Variants in PTPRB observed in about 807,000 individuals in gnomAD.
The protein encoded by PTPRB is protein tyrosine phosphatase receptor type B, also known as receptor-type tyrosine-protein phosphatase beta.
A neutral mutation model predicts 238.1 loss-of-function variants in PTPRB; 97 were observed. The observed-to-expected ratio is 0.41, with a 90% confidence interval of 0.35 to 0.48. The LOEUF (loss-of-function observed/expected upper bound fraction) is 0.48. Ranked by LOEUF, PTPRB falls within the 20% of genes least tolerant of loss-of-function variation. The pLI is 0.30. For synonymous variants in PTPRB, 970 were observed against 995.4 expected (o/e 0.97, Z 0.48); for missense variants, 2,292 against 2,681.9 (o/e 0.85, Z 3.21).
At chr12:70,588,535 A>G (rs750624189) in intron 8 of PTPRB, among the ~76,000 whole-genome samples, 9 of 152,344 alleles carry the variant, frequency 5.9e-5, no homozygotes, top group Non-Finnish European at 1.2e-4. Flanking sequence ...TGGGAGGCTG[A>G]GGCAGGAGAA....
chr12:70,539,753 G>C (rs1592421265), intron 25 of PTPRB, 47 bp from the exon 26 acceptor site: 1 of 1,592,732 alleles, frequency 6.3e-7, no homozygotes, highest in Non-Finnish European at 8.6e-7. Flanking sequence ...TGCAGAAAAG[G>C]GAAAGTGCCA....
At chr12:70,566,835 C>CT in intron 14 of PTPRB, 131 bp from the exon 15 acceptor site, 1 of 955,440 alleles carries the variant, frequency 1.0e-6, no homozygotes, top group Non-Finnish European at 1.6e-6. Context: ...GTCATTGACA[C>CT]TTTCTGTGTG....
rs753640130 is a variant in PTPRB, at chr12:70,622,380, C to A, written c.708+10G>T. 4 of 1,610,808 alleles carry A rather than the reference C, an allele frequency of 2.5e-6. No individual in the cohort carries two copies. The highest frequency in any genetic ancestry group is 2.5e-6 in the Non-Finnish European group (3 of 1,178,854). On this transcript the variant is annotated intron_variant, in intron 3 of 33. Transcript: ENST00000334414. Reference sequence around the variant, plus strand: ...GCACAGACCACACTCCACACACCCCCTCCTTTTACCTCTTCAGTGGTGCTG... The same window carrying A: ...GCACAGACCACACTCCACACACCCCATCCTTTTACCTCTTCAGTGGTGCTG...
intron 21 of PTPRB, 115 bp downstream of exon 21, chr12:70,552,660 ACT>A (rs1271826773): frequency 8.4e-6 from 11 of 1,312,498 alleles, no homozygotes; most frequent in Admixed American, 2.2e-5. Flanking sequence ...AATGCACAGT[ACT>A]CTTGTAACGT....
chr12:70,594,606 G>A lies in PTPRB; in HGVS notation c.1377C>T (p.Ile459=). Residue 459 remains isoleucine (I), a synonymous_variant, in exon 6 of 34, where the codon ATC becomes ATT. Coordinates refer to ENST00000334414, the MANE Select transcript of PTPRB (RefSeq NM_001109754.4). ...RYRLMLMDKG[I]LVHGGVVDKH... The stretch of plus-strand genomic sequence containing the variant: ...TGTCCACAACACCGCCATGAACTAG[G>A]ATCCCTTTATCCATTAGCATCAGCC... 6.2e-7 allele frequency: 1 copy of A among 1,613,948 alleles called. No individual in the cohort carries two copies. The highest frequency in any genetic ancestry group is 8.5e-7 in the Non-Finnish European group (1 of 1,179,886).
intron 4 of PTPRB, among the ~76,000 whole-genome samples, chr12:70,599,434 A>G (rs1196458787): frequency 6.6e-6 from 1 of 152,196 alleles, no homozygotes; most frequent in African/African-American, 2.4e-5. Flanking sequence ...TCACACTCAT[A>G]CGCATAGTAA....
Position 70,571,167 on chromosome 12 carries a change from T to C in PTPRB, c.3229A>G (p.Lys1077Glu). Residue 1077 changes from lysine (K) to glutamate (E), a missense_variant, in exon 13 of 34, where the codon AAA (lysine) becomes GAA (glutamate). This residue lies in a region of PTPRB where 1,205 missense variants were observed against 1,287.8 expected (regional missense o/e 0.94). Coordinates refer to ENST00000334414, the MANE Select transcript of PTPRB (RefSeq NM_001109754.4). ...ACAAGGTGAAAAGGAGGAAATACTT[T>C]CATGTCATTGAAGAGCAGCTGGATC... ...YEIQLLFNDM[K>E]VFPPFHLVNT... is the part of the protein sequence containing the mutation. 6.2e-7 allele frequency: 1 copy of C among 1,614,026 alleles called. No individual in the cohort carries two copies. The highest frequency in any genetic ancestry group is 8.5e-7 in the Non-Finnish European group (1 of 1,179,904).
intron 21 of PTPRB, 122 bp from the exon 22 acceptor site, chr12:70,544,785 A>C (rs1036888953): frequency 1.7e-6 from 1 of 572,196 alleles, no homozygotes; most frequent in South Asian, 2.4e-5. Flanking sequence ...AATATGAGTT[A>C]TGGAATCGGA....
At position 70,559,351 on chromosome 12, in the gene PTPRB, A is replaced by G. The variant is rs1363176373; in HGVS notation, c.4706T>C (p.Val1569Ala). The G allele has an allele frequency of 1.9e-6, 3 of 1,611,998 alleles. No individual in the cohort carries two copies. The highest frequency in any genetic ancestry group is 2.5e-6 in the Non-Finnish European group (3 of 1,178,200). The change falls in exon 18 of 34, where the codon GTG becomes GCG. Residue 1569 changes from valine (V) to alanine (A), a missense_variant. Physicochemically the swap from Val to Ala is moderately conservative, Grantham distance 64. Transcript: ENST00000334414. ...AGCAAAACATGTCATACTTGTCCTC[A>G]CAGATCCAAAAATTGGTTTGCTGTA... is the stretch of plus-strand genomic sequence containing the variant. Reference protein sequence around the residue: ...KTYSKPIFGSVRTKPDKIQNL... With the variant: ...KTYSKPIFGSARTKPDKIQNL...
intron 2 of PTPRB, among the ~76,000 whole-genome samples, chr12:70,629,623 C>T (rs879861163): frequency 2.0e-5 from 3 of 151,976 alleles, no homozygotes; most frequent in Non-Finnish European, 4.4e-5. Context: ...GATAGAGACA[C>T]AAAAAACCCT....
rs748776634 is a variant in PTPRB at position 70,566,561 on chromosome 12, A to T, written c.3778T>A (p.Ser1260Thr). Residue 1260 changes from serine to threonine, a missense_variant, in exon 15 of 34, where the codon TCA becomes ACA. Ser to Thr is a moderately conservative substitution (Grantham distance 58). Around this residue, in one of 4 missense-constraint regions of PTPRB, gnomAD observed 683 missense variants for 862.0 expected, o/e 0.79. Transcript: ENST00000334414. ...TGTTGCTTAGTGGTGGCTGGCTCTG[A>T]TGTGTTGCGCAGAAGGATTCCATTT... ...TENGILLRNT[S>T]EPATTKQHKF... 1.2e-6 allele frequency: 2 copies of T among 1,613,920 alleles called. No homozygotes were observed. The highest frequency in any genetic ancestry group is 3.3e-5 in the Admixed American group (2 of 60,016).
chr12:70,538,161 G>A lies in PTPRB; in HGVS notation c.5940C>T (p.Tyr1980=), dbSNP rs967625503. Residue 1980 remains tyrosine (Y), a synonymous_variant, in exon 28 of 34, where the codon TAC becomes TAT. Coordinates refer to ENST00000334414, the MANE Select transcript of PTPRB (RefSeq NM_001109754.4). ...GGCCTAGTGGGTCACTTACAGGGAT[G>A]TAGCTGGCATTGATGTAGTCAGAGC... is the stretch of plus-strand genomic sequence containing the variant. ...DPCSDYINAS[Y]IPGNNFRREY... is the part of the protein sequence containing the mutation. 2 of 1,613,292 alleles carry A rather than the reference G, an allele frequency of 1.2e-6. No individual in the cohort carries two copies. Among genetic ancestry groups the A allele is most frequent in the Middle Eastern group, 1.7e-4 (1 of 6,058 alleles).
intron 3 of PTPRB, among the ~76,000 whole-genome samples, chr12:70,614,312 A>T (rs1592594360): frequency 6.6e-6 from 1 of 152,164 alleles, no homozygotes; most frequent in East Asian, 1.9e-4. Flanking sequence ...TACATTCAGG[A>T]GAGTTAATGA....
intron 2 of PTPRB, 133 bp downstream of exon 2, chr12:70,635,538 A>G: frequency 8.6e-7 from 1 of 1,168,052 alleles, no homozygotes; most frequent in South Asian, 1.7e-5. Context: ...TAGCTTATGA[A>G]TCTTCCATAG....
intron 3 of PTPRB, chr12:70,609,626 C>T: frequency 1.0e-6 from 1 of 991,224 alleles, no homozygotes; most frequent in East Asian, 2.6e-5. Flanking sequence ...GAGGATCATT[C>T]TTCCCAAGGC....
At chr12:70,617,862 C>T (rs118110361) in intron 3 of PTPRB, among the ~76,000 whole-genome samples, 4,389 of 123,610 alleles carry the variant, frequency 0.036, 95 homozygotes, top group Non-Finnish European at 0.048. Context: ...GGTGGGTGGG[C>T]AGGGAAAGAT....
chr12:70,532,735 A>G (rs1873479869), intron 31 of PTPRB, among the ~76,000 whole-genome samples: 1 of 151,810 alleles, frequency 6.6e-6, no homozygotes, highest in Admixed American at 6.6e-5. Context: ...TCGACCTCCC[A>G]GGTTCAAGCA....
intron 4 of PTPRB, among the ~76,000 whole-genome samples, chr12:70,606,648 G>C (rs1384075255): frequency 6.6e-6 from 1 of 152,138 alleles, no homozygotes. Flanking sequence ...AGTTGGCATT[G>C]CTTTAATAAC....
chr12:70,524,459 G>GT lies in PTPRB; in HGVS notation c.6625+11dup, dbSNP rs1565896153. 1.9e-6 allele frequency: 3 copies of GT among 1,591,742 alleles called. No individual in the cohort carries two copies. In the South Asian group the frequency reaches 3.4e-5, roughly 18 times the overall value. ...GAAGAAACTTGGGGAAGTAAGTGAA[G>GT]TAAGTGCCCACCTCTGTGATACTCT... On this transcript the variant is annotated intron_variant, in intron 33 of 33. Coordinates refer to ENST00000334414, the MANE Select transcript of PTPRB (RefSeq NM_001109754.4).
Sources: allele counts gnomAD v4.1 joint callset (sites outside exome capture counted in the v4.1 genomes callset), GRCh38; gene constraint gnomAD v4.1.1; regional missense constraint gnomAD v4.1.1; transcripts MANE v1.5; gene names NCBI Gene and HGNC (gene_info 2026-07-23, HGNC 2026-07-21).